The following DMD variants were observed in gnomAD, a reference collection of about 807,000 sequenced individuals.
DMD encodes mutant dystrophin.
A neutral mutation model predicts 330.1 loss-of-function variants in DMD; 63 were observed. The observed-to-expected ratio is 0.19, with a 90% CI of 0.16 to 0.24. The LOEUF is 0.24. Among genes scored for constraint, DMD ranks in the 10% least tolerant of loss-of-function variants. The pLI is 1.00. For synonymous variants in DMD, 1,223 were observed against 959.8 expected, an observed-to-expected ratio of 1.27 and a Z score of -5.07; for missense variants, 3,344 against 2,684.1, an observed-to-expected ratio of 1.25 and a Z score of -5.43.
At chrX:31,840,610 C>G (rs1383933064) in intron 48 of DMD, among the ~76,000 whole-genome samples, 5 of 96,802 alleles carry the variant, frequency 5.2e-5, no homozygotes, top group Non-Finnish European at 1.0e-4. Flanking sequence ...TCAAGCAAGT[C>G]TATCAGCAAC....
intron 56 of DMD, among the ~76,000 whole-genome samples, chrX:31,506,859 G>T (rs7058685): frequency 3.6e-5 from 4 of 111,099 alleles, no homozygotes; most frequent in African/African-American, 9.9e-5. Context: ...TTATATAATT[G>T]TAATGTGTTA....
rs754035822 is a variant in DMD, at chrX:33,051,646, A to ATTTTTTTTTTTTTTTTTTTTTT, written c.32-31447_32-31446insAAAAAAAAAAAAAAAAAAAAAA. Among the ~76,000 whole-genome samples, 26 of 71,922 alleles carry ATTTTTTTTTTTTTTTTTTTTTT rather than the reference A, an allele frequency of 3.6e-4. 3 individuals carry two copies. Among genetic ancestry groups the ATTTTTTTTTTTTTTTTTTTTTT allele is most frequent in the African/African-American group, 1.7e-3 (26 of 15,371 alleles). The allele number at this position is 71,922 out of a possible 115,157, so 62.5% of individuals were successfully genotyped here. A position where few individuals can be genotyped will look rare whatever the true frequency, so the allele number is the denominator to read the frequency against. ...TAAGGAAAATATATAATTACGCTCT[A>ATTTTTTTTTTTTTTTTTTTTTT]TTTTTTTTTTTTTTTTTTTGAGACG... is the stretch of plus-strand genomic sequence containing the variant. On this transcript the variant is annotated intron_variant, in intron 1 of 78. Transcript: ENST00000357033.
chrX:32,580,492 T>C (rs765468113), intron 13 of DMD, among the ~76,000 whole-genome samples: 3 of 111,898 alleles, frequency 2.7e-5, no homozygotes, highest in Non-Finnish European at 3.8e-5. Flanking sequence ...GAAATAGAGA[T>C]AATAGTACAG....
chrX:31,506,572 A>G (rs776555750), intron 56 of DMD, among the ~76,000 whole-genome samples: 1 of 112,494 alleles, frequency 8.9e-6, no homozygotes, highest in Non-Finnish European at 1.9e-5. Flanking sequence ...CCTCCACGGA[A>G]CTATTGCAAA....
chrX:32,511,540 A>G (rs764844428), intron 18 of DMD, among the ~76,000 whole-genome samples: 31 of 106,904 alleles, frequency 2.9e-4, no homozygotes, highest in African/African-American at 1.0e-3. Context: ...AAAAAAAAAA[A>G]AAAAAAAGAA....
At chrX:31,855,858 C>T (rs913825076) in intron 48 of DMD, among the ~76,000 whole-genome samples, 1 of 111,932 alleles carries the variant, frequency 8.9e-6, no homozygotes, top group Non-Finnish European at 1.9e-5. Flanking sequence ...AAAGCCAATT[C>T]CTGGTTTACT....
intron 11 of DMD, among the ~76,000 whole-genome samples, chrX:32,617,613 G>T (rs1041610866): frequency 5.4e-5 from 6 of 111,355 alleles, no homozygotes; most frequent in Admixed American, 9.6e-5. Flanking sequence ...CAATCTATTA[G>T]TAGAAAACAT....
chrX:32,687,767 T>C (rs2062988271), intron 9 of DMD, among the ~76,000 whole-genome samples: 1 of 110,817 alleles, frequency 9.0e-6, no homozygotes, highest in Non-Finnish European at 1.9e-5. Flanking sequence ...CGAATGTTGT[T>C]TTTATAAGCT....
chrX:32,499,568 A>G (rs759578183), intron 19 of DMD, among the ~76,000 whole-genome samples: 4 of 111,877 alleles, frequency 3.6e-5, no homozygotes, highest in African/African-American at 1.3e-4. Context: ...AAAGGGCAAG[A>G]ATGTATGTGT....
At chrX:33,047,029 A>G (rs780102433) in intron 1 of DMD, among the ~76,000 whole-genome samples, 2 of 112,297 alleles carry the variant, frequency 1.8e-5, no homozygotes, top group Admixed American at 1.9e-4. Context: ...ACATGAACAT[A>G]CTTCATTTTC....
At chrX:32,466,825 AACAG>A (rs754450878) in intron 23 of DMD, among the ~76,000 whole-genome samples, 281 of 112,096 alleles carry the variant, frequency 2.5e-3, no homozygotes, top group Non-Finnish European at 4.0e-3. Flanking sequence ...AAGCCTCCAA[AACAG>A]ACAAAGTCCT....
intron 32 of DMD, among the ~76,000 whole-genome samples, chrX:32,386,757 A>G (rs1207561785): frequency 9.1e-6 from 1 of 110,384 alleles, no homozygotes; most frequent in Admixed American, 9.8e-5. Flanking sequence ...TCTTCAATCA[A>G]AGAACATAAA....
At chrX:31,237,641 G>A (rs752323628) in intron 63 of DMD, among the ~76,000 whole-genome samples, 114 of 112,313 alleles carry the variant, frequency 1.0e-3, no homozygotes, top group African/African-American at 3.5e-3. Flanking sequence ...AAGCGTTCCT[G>A]TTTACCCTCT....
intron 62 of DMD, among the ~76,000 whole-genome samples, chrX:31,289,677 T>C (rs1036042435): frequency 2.7e-5 from 3 of 110,734 alleles, no homozygotes; most frequent in Non-Finnish European, 5.7e-5. Context: ...TCACATAATG[T>C]ATTGAAATAA....
intron 7 of DMD, among the ~76,000 whole-genome samples, chrX:32,751,270 G>A (rs550006878): frequency 9.0e-6 from 1 of 111,105 alleles, no homozygotes; most frequent in Admixed American, 9.6e-5. Context: ...GACTTGAATA[G>A]CTTTGACCAA....
intron 9 of DMD, among the ~76,000 whole-genome samples, chrX:32,681,349 C>T (rs1446780169): frequency 9.0e-6 from 1 of 111,278 alleles, no homozygotes; most frequent in Non-Finnish European, 1.9e-5. Context: ...CATATTTGTA[C>T]GATCTCTCCA....
intron 2 of DMD, among the ~76,000 whole-genome samples, chrX:32,965,687 AC>A (rs2092124347): frequency 9.0e-6 from 1 of 111,231 alleles, no homozygotes; most frequent in Non-Finnish European, 1.9e-5. Context: ...GCATTATGTT[AC>A]TTTTTTATTT....
chrX:32,579,360 G>T (rs187975241), intron 13 of DMD, among the ~76,000 whole-genome samples: 57 of 111,821 alleles, frequency 5.1e-4, no homozygotes, highest in Admixed American at 4.9e-3. Flanking sequence ...ACTTCCAAAG[G>T]GGCAGGTTAC....
At chrX:31,450,872 G>A (rs1290707443) in intron 59 of DMD, among the ~76,000 whole-genome samples, 1 of 111,530 alleles carries the variant, frequency 9.0e-6, no homozygotes, top group Admixed American at 9.5e-5. Context: ...GGTGTGGTGG[G>A]ACATGCCAGT....
Sources: allele counts gnomAD v4.1 joint callset (sites outside exome capture counted in the v4.1 genomes callset), GRCh38; gene constraint gnomAD v4.1.1; transcripts MANE v1.5; gene names NCBI Gene and HGNC (gene_info 2026-07-23, HGNC 2026-07-21).